The following STK32B variants were observed in gnomAD, a reference collection of about 807,000 sequenced individuals.
STK32B encodes the protein serine/threonine-protein kinase 32B.
A neutral mutation model predicts 52.6 loss-of-function variants in STK32B; 43 were observed. That is an observed-to-expected ratio of 0.82 (90% CI 0.64 to 1.05). STK32B has a LOEUF of 1.05. Ranked by LOEUF, STK32B falls within the 50% of genes least tolerant of loss-of-function variation. STK32B has a pLI of 0.00. For synonymous variants in STK32B, 238 were observed against 204.3 expected (o/e 1.17, Z -1.41); for missense variants, 621 against 534.6 (o/e 1.16, Z -1.59).
At chr4:5,349,210 TATATGCCACCCTG>T (rs1733670034) in intron 4 of STK32B, among the ~76,000 whole-genome samples, 1 of 152,092 alleles carries the variant, frequency 6.6e-6, no homozygotes, top group South Asian at 2.1e-4. Flanking sequence ...CCAGTGCCAG[TATATGCCACCCTG>T]GGGCCCAAGG....
intron 3 of STK32B, among the ~76,000 whole-genome samples, chr4:5,213,357 AC>A (rs1273727919): frequency 6.6e-6 from 1 of 152,190 alleles, no homozygotes; most frequent in Non-Finnish European, 1.5e-5. Context: ...GCTGGGCTGA[AC>A]TTCAAACAAG....
intron 1 of STK32B, among the ~76,000 whole-genome samples, chr4:5,099,452 G>A (rs868749164): frequency 5.9e-5 from 3 of 50,852 alleles, no homozygotes; most frequent in African/African-American, 1.6e-4. Context: ...GTGTGTGTGC[G>A]CGCGCGCGTA....
intron 3 of STK32B, among the ~76,000 whole-genome samples, chr4:5,211,643 C>T (rs1560229462): frequency 1.3e-5 from 2 of 152,116 alleles, no homozygotes; most frequent in Non-Finnish European, 2.9e-5. Context: ...CCATCTCCTC[C>T]CTGCCAGCCT....
chr4:5,441,699 G>T (rs1296878660), intron 6 of STK32B, among the ~76,000 whole-genome samples: 2 of 150,152 alleles, frequency 1.3e-5, no homozygotes, highest in Non-Finnish European at 1.5e-5. Context: ...TGATGTTAGG[G>T]TGTCAATTTT....
chr4:5,255,098 T>C lies in STK32B; in HGVS notation c.261-76122T>C, dbSNP rs142243068. On this transcript the variant is annotated intron_variant, in intron 3 of 11. Coordinates refer to ENST00000282908, the MANE Select transcript of STK32B (RefSeq NM_018401.3). ...GTAGGGCAGACTGATATTAATCAAT[T>C]AAACAGCAGAATGGTATGTTACTTT... 8.2e-3 allele frequency among the ~76,000 whole-genome samples: 1,252 copies of C among 152,264 alleles called. 12 individuals are homozygous for C. The highest frequency in any genetic ancestry group is 0.043 in the South Asian group (208 of 4,828).
intron 3 of STK32B, among the ~76,000 whole-genome samples, chr4:5,307,595 C>A (rs1231335209): frequency 6.7e-6 from 1 of 149,420 alleles, no homozygotes; most frequent in East Asian, 2.0e-4. Flanking sequence ...CTAGTACCTC[C>A]TTGATTACTT....
rs1716979183 is a variant in STK32B at position 5,460,947 on chromosome 4, A to G, written c.909+719A>G. Among the ~76,000 whole-genome samples the G allele has an allele frequency of 6.6e-6, 1 of 152,174 alleles. No homozygotes were observed. The highest frequency in any genetic ancestry group is 1.5e-5 in the Non-Finnish European group (1 of 68,032). On this transcript the variant is annotated intron_variant, in intron 9 of 11. Coordinates refer to ENST00000282908, the MANE Select transcript of STK32B (RefSeq NM_018401.3). This position sits in a 1 kb window ranked among gnomAD's most constrained non-coding sequence, Gnocchi z 4.8. ...CTGGAGTGTTTAAGGCAGGGAAGTG[A>G]AAGCATTGGATTTACATTTTAAAGG...
intron 4 of STK32B, among the ~76,000 whole-genome samples, chr4:5,354,704 A>T (rs983602079): frequency 1.3e-5 from 2 of 152,230 alleles, no homozygotes; most frequent in African/African-American, 4.8e-5. Flanking sequence ...AATACTTCAT[A>T]TTTCTCATAG....
intron 1 of STK32B, among the ~76,000 whole-genome samples, chr4:5,121,189 A>G (rs1467016836): frequency 1.3e-5 from 2 of 152,230 alleles, no homozygotes; most frequent in South Asian, 2.1e-4. Flanking sequence ...TTGGTTTTCC[A>G]TTCTTGAATT....
chr4:5,294,814 A>G lies in STK32B; in HGVS notation c.261-36406A>G, dbSNP rs143810421. ...GCCAGAACTTTTAATGCTGTGTTGT[A>G]TAGGAGTGGTGAGAGAGGGCATCCT... On this transcript the variant is annotated intron_variant, in intron 3 of 11. Coordinates refer to ENST00000282908, the MANE Select transcript of STK32B (RefSeq NM_018401.3). Among the ~76,000 whole-genome samples the G allele has an allele frequency of 7.2e-4, 110 of 152,198 alleles. 1 individual carries two copies. The East Asian group carries it at 0.018, about 24-fold the overall frequency.
At chr4:5,318,814 T>TG in intron 3 of STK32B, among the ~76,000 whole-genome samples, 1 of 152,152 alleles carries the variant, frequency 6.6e-6, no homozygotes, top group Non-Finnish European at 1.5e-5. Context: ...TATTTTTTTT[T>TG]TTTGAGACGG....
intron 5 of STK32B, among the ~76,000 whole-genome samples, chr4:5,411,654 A>C (rs180962960): frequency 7.9e-5 from 12 of 152,170 alleles, no homozygotes; most frequent in Non-Finnish European, 1.6e-4. Context: ...GTGTCCTGGA[A>C]CCAGTTCCCC....
At chr4:5,187,438 G>A (rs1209628584) in intron 3 of STK32B, among the ~76,000 whole-genome samples, 1 of 152,184 alleles carries the variant, frequency 6.6e-6, no homozygotes, top group Non-Finnish European at 1.5e-5. Context: ...ATCGTGCAAG[G>A]TGGATGTTAC....
intron 1 of STK32B, among the ~76,000 whole-genome samples, chr4:5,120,385 T>A (rs1364354806): frequency 6.6e-6 from 1 of 152,208 alleles, no homozygotes; most frequent in Admixed American, 6.5e-5. Flanking sequence ...GGGGAGTGCA[T>A]CACAAGAAGA....
At chr4:5,078,539 G>A (rs1317331930) in intron 1 of STK32B, among the ~76,000 whole-genome samples, 2 of 152,206 alleles carry the variant, frequency 1.3e-5, no homozygotes, top group African/African-American at 4.8e-5. Context: ...TGGGGGTCTA[G>A]AATGTTGGGG....
the STK32B span, among the ~76,000 whole-genome samples, chr4:5,019,819 G>A: frequency 6.6e-6 from 1 of 152,200 alleles, no homozygotes. Flanking sequence ...GAGGAGAGGA[G>A]TGGGCAGTCA....
chr4:5,295,640 TG>T (rs1729147505), intron 3 of STK32B, among the ~76,000 whole-genome samples: 1 of 152,214 alleles, frequency 6.6e-6, no homozygotes, highest in Admixed American at 6.5e-5. Context: ...CATTTTTCAT[TG>T]TATCTATTTG....
chr4:5,313,687 G>A (rs1730467229), intron 3 of STK32B, among the ~76,000 whole-genome samples: 3 of 152,114 alleles, frequency 2.0e-5, no homozygotes, highest in African/African-American at 7.2e-5. Flanking sequence ...GTGACAGCAA[G>A]GTTGTGGTCT....
At chr4:5,294,665 T>G (rs1316757794) in intron 3 of STK32B, among the ~76,000 whole-genome samples, 2 of 151,888 alleles carry the variant, frequency 1.3e-5, no homozygotes, top group African/African-American at 4.8e-5. Flanking sequence ...GCTCAAGGAG[T>G]TTTTGGACTG....
Sources: gnomAD v4.1 joint callset for allele counts (sites outside exome capture counted in the v4.1 genomes callset) on GRCh38, gnomAD v4.1.1 for gene constraint, Gnocchi (gnomAD v3.1) non-coding constraint, MANE v1.5 for transcripts, NCBI Gene and HGNC (gene_info 2026-07-23, HGNC 2026-07-21) for gene names.